The following FBXL7 variants were observed in gnomAD, a reference collection of about 807,000 sequenced individuals.
FBXL7 encodes F-box and leucine rich repeat protein 7.
In FBXL7, 12 loss-of-function variants were observed where a neutral mutation model predicts 38.3. The ratio of observed to expected loss-of-function variants is 0.31; its 90% CI spans 0.20 to 0.51. The LOEUF is 0.51. Among genes scored for constraint, FBXL7 ranks in the 20% least tolerant of loss-of-function variants. FBXL7 has a pLI of 0.98. For missense variants in FBXL7, 567 were observed against 676.4 expected, an observed-to-expected ratio of 0.84 and a Z score of 1.79; for synonymous variants, 297 against 300.9, an observed-to-expected ratio of 0.99 and a Z score of 0.13.
At chr5:15,585,725 G>A (rs999140078) in intron 1 of FBXL7, among the ~76,000 whole-genome samples, 5 of 152,156 alleles carry the variant, frequency 3.3e-5, no homozygotes, top group African/African-American at 1.2e-4. Flanking sequence ...AATGAATCCT[G>A]ATGCCTTGTT....
intron 1 of FBXL7, among the ~76,000 whole-genome samples, chr5:15,522,063 G>A (rs1288655801): frequency 3.9e-5 from 6 of 152,216 alleles, no homozygotes; most frequent in African/African-American, 1.4e-4. Context: ...TTTTATACGT[G>A]TCTATGTAAA....
chr5:15,787,484 A>C (rs1396554495), intron 2 of FBXL7, among the ~76,000 whole-genome samples: 1 of 152,180 alleles, frequency 6.6e-6, no homozygotes, highest in Non-Finnish European at 1.5e-5. Flanking sequence ...AGGAGGATTC[A>C]GGGATACTAT....
chr5:15,503,050 C>A (rs1267219386), intron 1 of FBXL7, among the ~76,000 whole-genome samples: 1 of 152,110 alleles, frequency 6.6e-6, no homozygotes, highest in Admixed American at 6.5e-5. Context: ...CTCTGTACTT[C>A]TATATTTGAG....
chr5:15,719,717 C>T lies in FBXL7; in HGVS notation c.127+103645C>T, dbSNP rs993879076. Among the ~76,000 whole-genome samples the T allele has an allele frequency of 1.3e-5, 2 of 148,714 alleles. 1 individual carries two copies. Among genetic ancestry groups the T allele is most frequent in the Non-Finnish European group, 3.0e-5 (2 of 66,620 alleles). On this transcript the variant is annotated intron_variant, in intron 2 of 3. Transcript: ENST00000504595. Reference sequence around the variant, plus strand: ...TATCTTTCTAAAATCTTTACAAGGACGGCACTTATTTGTCAATTAAAATCT... The same window carrying T: ...TATCTTTCTAAAATCTTTACAAGGATGGCACTTATTTGTCAATTAAAATCT...
chr5:15,733,424 A>T (rs1735666324), intron 2 of FBXL7, among the ~76,000 whole-genome samples: 1 of 152,236 alleles, frequency 6.6e-6, no homozygotes, highest in South Asian at 2.1e-4. Flanking sequence ...AATTACAAGA[A>T]GAAAATAGTG....
intron 3 of FBXL7, among the ~76,000 whole-genome samples, chr5:15,929,635 A>C (rs1467127742): frequency 6.6e-6 from 1 of 151,870 alleles, no homozygotes; most frequent in Non-Finnish European, 1.5e-5. Flanking sequence ...GAAAAAAAAA[A>C]AAAAAAAAAA....
chr5:15,866,899 C>A (rs961039097), intron 2 of FBXL7, among the ~76,000 whole-genome samples: 1 of 151,934 alleles, frequency 6.6e-6, no homozygotes, highest in Non-Finnish European at 1.5e-5. Flanking sequence ...ATTTTTTTAA[C>A]CCAGTCTATT....
intron 2 of FBXL7, among the ~76,000 whole-genome samples, chr5:15,622,447 C>T (rs184239212): frequency 7.2e-5 from 11 of 152,196 alleles, no homozygotes; most frequent in East Asian, 3.9e-4. Flanking sequence ...TCTCCCCACC[C>T]GACACAGGCC....
At chr5:15,773,782 T>C (rs1238436838) in intron 2 of FBXL7, among the ~76,000 whole-genome samples, 1 of 152,112 alleles carries the variant, frequency 6.6e-6, no homozygotes, top group Admixed American at 6.6e-5. Context: ...AAATGAAGTG[T>C]GTGGTTGATA....
chr5:15,659,802 C>T (rs1332812313), intron 2 of FBXL7, among the ~76,000 whole-genome samples: 1 of 152,106 alleles, frequency 6.6e-6, no homozygotes, highest in Non-Finnish European at 1.5e-5. Flanking sequence ...ACAATGTCGT[C>T]ACCATATAAA....
intron 2 of FBXL7, among the ~76,000 whole-genome samples, chr5:15,679,093 T>C (rs1742753550): frequency 6.6e-6 from 1 of 152,220 alleles, no homozygotes; most frequent in Non-Finnish European, 1.5e-5. Flanking sequence ...TCTTTCAATT[T>C]TGATGATCAC....
At chr5:15,785,580 C>A (rs1271436766) in intron 2 of FBXL7, among the ~76,000 whole-genome samples, 2 of 152,186 alleles carry the variant, frequency 1.3e-5, no homozygotes, top group African/African-American at 2.4e-5. Flanking sequence ...CCTCCTCCAT[C>A]CCCAATTAAA....
chr5:15,827,956 AG>A (rs1220686812), intron 2 of FBXL7, among the ~76,000 whole-genome samples: 2 of 152,218 alleles, frequency 1.3e-5, no homozygotes, highest in Non-Finnish European at 2.9e-5. Flanking sequence ...ACCTTGATCA[AG>A]CATTTGTCCT....
chr5:15,879,773 T>G (rs1032014020), intron 2 of FBXL7, among the ~76,000 whole-genome samples: 5 of 152,156 alleles, frequency 3.3e-5, no homozygotes, highest in African/African-American at 1.2e-4. Flanking sequence ...GGAGTAGAGC[T>G]AGAGTGAGTA....
chr5:15,669,610 T>C (rs1742400484), intron 2 of FBXL7, among the ~76,000 whole-genome samples: 1 of 152,184 alleles, frequency 6.6e-6, no homozygotes, highest in Admixed American at 6.5e-5. Flanking sequence ...CTGCATCTTG[T>C]TCTGACAACT....
At position 15,654,093 on chromosome 5, in the gene FBXL7, A is replaced by G. The variant is rs557186852; in HGVS notation, c.127+38021A>G. Among the ~76,000 whole-genome samples the G allele has an allele frequency of 2.0e-5, 3 of 152,308 alleles. No individual in the cohort carries two copies. The South Asian group carries it at 6.2e-4, about 32-fold the overall frequency. On this transcript the variant is annotated intron_variant, in intron 2 of 3. Transcript: ENST00000504595. ...ATTTAACTTTGTTTGAGCCAAACAA[A>G]TATAACAGTAAACTAATTAGACTGG...
At position 15,934,115 on chromosome 5, in the gene FBXL7, G is replaced by A. The variant is rs192651598; in HGVS notation, c.740-2335G>A. On this transcript the variant is annotated intron_variant, in intron 3 of 3. Coordinates refer to ENST00000504595, the MANE Select transcript of FBXL7 (RefSeq NM_012304.5). The stretch of plus-strand genomic sequence containing the variant: ...CGCCTCCCAAGTTCAAGCAATTCTC[G>A]TGCCTCAGCCTCCCAAATAGCTGGG... 3.9e-5 allele frequency among the ~76,000 whole-genome samples: 6 copies of A among 152,022 alleles called. No individual in the cohort carries two copies. The East Asian group carries it at 9.7e-4, about 25-fold the overall frequency.
chr5:15,928,648 C>T lies in FBXL7; in HGVS notation c.739+147C>T, dbSNP rs1002133923. ...AGGGAGGCTGGCTTTTGCAGAGAAACTGTCTCTATGGAATCATGACCCTGG... is the reference window on the plus strand; with the variant it reads ...AGGGAGGCTGGCTTTTGCAGAGAAATTGTCTCTATGGAATCATGACCCTGG... On this transcript the variant is annotated intron_variant, in intron 3 of 3. Transcript: ENST00000504595. The surrounding 1 kb of genome is among the most constrained non-coding windows in gnomAD (Gnocchi z 4.0). The T allele has an allele frequency of 1.1e-5, 11 of 1,001,524 alleles. No individual in the cohort carries two copies. Among genetic ancestry groups the T allele is most frequent in the Middle Eastern group, 3.3e-4 (1 of 3,000 alleles). 62.0% of individuals were successfully genotyped at this position (1,001,524 alleles called of 1,614,324 possible).
intron 2 of FBXL7, among the ~76,000 whole-genome samples, chr5:15,734,638 T>A (rs1417217979): frequency 6.6e-6 from 1 of 152,224 alleles, no homozygotes; most frequent in Non-Finnish European, 1.5e-5. Context: ...CTTGCTTGCC[T>A]TTTTCTTTAA....
Sources: gnomAD v4.1 joint callset for allele counts (sites outside exome capture counted in the v4.1 genomes callset) on GRCh38, gnomAD v4.1.1 for gene constraint, Gnocchi (gnomAD v3.1) non-coding constraint, MANE v1.5 for transcripts, NCBI Gene and HGNC (gene_info 2026-07-23, HGNC 2026-07-21) for gene names.